SLC1A7: variants seen among roughly 807,000 people sequenced by gnomAD.
SLC1A7 encodes solute carrier family 1 member 7.
SLC1A7 carries 40 observed loss-of-function variants against 47.7 expected under a neutral mutation model. The observed-to-expected ratio is 0.84, with a 90% confidence interval of 0.65 to 1.09. The LOEUF is 1.09. Among genes scored for constraint, SLC1A7 ranks in the 50% least tolerant of loss-of-function variants. The pLI, the probability that SLC1A7 is intolerant of heterozygous loss-of-function variation, is 0.00. For synonymous variants in SLC1A7, 323 were observed against 325.6 expected (o/e 0.99, Z 0.09); for missense variants, 746 against 769.5 (o/e 0.97, Z 0.36).
rs1645008233 is a variant in SLC1A7 at position 53,137,056 on chromosome 1, G to A, written c.136-2627C>T. ...AATCCCAGCACTTTGGGAGGCCAAG[G>A]TAGGTGGATCACTTGAGGTTAAGAG... On this transcript the variant is annotated intron_variant, in intron 1 of 10. Coordinates refer to ENST00000371494, the MANE Select transcript of SLC1A7 (RefSeq NM_006671.6). Among the ~76,000 whole-genome samples the A allele has an allele frequency of 2.6e-5, 4 of 152,224 alleles. No homozygotes were observed. In the South Asian group the frequency reaches 6.2e-4, roughly 24 times the overall value.
chr1:53,135,001 G>A (rs1418805480), intron 1 of SLC1A7, among the ~76,000 whole-genome samples: 2 of 151,922 alleles, frequency 1.3e-5, no homozygotes, highest in South Asian at 2.1e-4. Flanking sequence ...CACAGAAAGC[G>A]AAATGGCGGA....
chr1:53,095,950 A>G (rs1644483507), intron 5 of SLC1A7, among the ~76,000 whole-genome samples: 1 of 146,298 alleles, frequency 6.8e-6, no homozygotes, highest in Admixed American at 6.8e-5. Context: ...TGGTACAGTC[A>G]CACCACCTCG....
At chr1:53,090,007 A>C in intron 8 of SLC1A7, 73 bp from the exon 9 acceptor site, 1 of 1,561,044 alleles carries the variant, frequency 6.4e-7, no homozygotes, top group Non-Finnish European at 8.8e-7. Context: ...GCTCCAAGGA[A>C]GAGGTTGAGT....
chr1:53,115,249 A>T, intron 2 of SLC1A7: 1 of 546,020 alleles, frequency 1.8e-6, no homozygotes, highest in Non-Finnish European at 3.3e-6. Context: ...GATGGTGGGG[A>T]CACTGTTGGG....
At chr1:53,124,780 C>T (rs968105061) in intron 2 of SLC1A7, among the ~76,000 whole-genome samples, 6 of 152,190 alleles carry the variant, frequency 3.9e-5, no homozygotes, top group African/African-American at 1.4e-4. Context: ...CGAGGCAGGG[C>T]AGCTCCCTCA....
intron 4 of SLC1A7, among the ~76,000 whole-genome samples, chr1:53,105,388 TCA>T (rs1644628051): frequency 6.6e-6 from 1 of 152,192 alleles, no homozygotes; most frequent in African/African-American, 2.4e-5. Context: ...CCTCGGAGCC[TCA>T]GTTTCCTCTT....
intron 9 of SLC1A7, among the ~76,000 whole-genome samples, chr1:53,089,256 TTTTG>T (rs145192147): frequency 8.8e-5 from 13 of 147,236 alleles, no homozygotes; most frequent in South Asian, 2.2e-4. Flanking sequence ...TAGGTTTGTT[TTTTG>T]TTTGTTTGTT....
intron 5 of SLC1A7, among the ~76,000 whole-genome samples, chr1:53,096,208 G>A (rs992787506): frequency 8.9e-5 from 12 of 134,308 alleles, no homozygotes; most frequent in South Asian, 2.5e-4. Context: ...ACTTTCACGC[G>A]CCTAGCCTCG....
intron 5 of SLC1A7, 134 bp from the exon 6 acceptor site, chr1:53,093,694 T>A: frequency 1.6e-6 from 1 of 633,536 alleles, no homozygotes; most frequent in Non-Finnish European, 2.8e-6. Context: ...TCTCTCTCCC[T>A]CTCTCCTCCT....
chr1:53,121,710 G>C (rs1005288964), intron 2 of SLC1A7, among the ~76,000 whole-genome samples: 5 of 152,226 alleles, frequency 3.3e-5, no homozygotes, highest in Admixed American at 3.3e-4. Context: ...GGCCGCACTT[G>C]GCTTCCACAG....
At chr1:53,129,145 C>T (rs1644913000) in intron 2 of SLC1A7, among the ~76,000 whole-genome samples, 1 of 134,454 alleles carries the variant, frequency 7.4e-6, no homozygotes, top group African/African-American at 2.8e-5. Flanking sequence ...TGCCACTGCA[C>T]TCCAGCCTGG....
chr1:53,088,314 G>A (rs560750787), intron 10 of SLC1A7, 87 bp from the exon 11 acceptor site: 555 of 1,123,550 alleles, frequency 4.9e-4, no homozygotes, highest in Non-Finnish European at 6.7e-4. Flanking sequence ...GGCAGAATGA[G>A]CTCAGGGCTA....
At position 53,123,372 on chromosome 1, in the gene SLC1A7, C is replaced by T. The variant is rs113863049; in HGVS notation, c.216-8399G>A. Among the ~76,000 whole-genome samples, 965 of 152,332 alleles carry T rather than the reference C, an allele frequency of 6.3e-3. 14 individuals are homozygous for T. The highest frequency in any genetic ancestry group is 0.021 in the African/African-American group (859 of 41,576). On this transcript the variant is annotated intron_variant, in intron 2 of 10. Transcript: ENST00000371494. ...TCCTGTGGGCCTCTCTCCAGTGCAG[C>T]GGTTCTCCACAGAGAAGGGCGGCAG... is the stretch of plus-strand genomic sequence containing the variant.
chr1:53,091,080 G>T, intron 7 of SLC1A7: 1 of 929,470 alleles, frequency 1.1e-6, no homozygotes, highest in Non-Finnish European at 1.6e-6. Flanking sequence ...GAGGGATATG[G>T]AGGTCTGAGC....
chr1:53,136,555 AAACAT>A (rs1339705387), intron 1 of SLC1A7, among the ~76,000 whole-genome samples: 3 of 42,168 alleles, frequency 7.1e-5, no homozygotes, highest in Non-Finnish European at 1.0e-4. Context: ...TAATATATAT[AAACAT>A]ATATATAAAC....
intron 2 of SLC1A7, among the ~76,000 whole-genome samples, chr1:53,121,047 T>C (rs1212056736): frequency 6.6e-6 from 1 of 152,240 alleles, no homozygotes; most frequent in Non-Finnish European, 1.5e-5. Context: ...GAGTGGTACA[T>C]GGCATGTGAT....
At chr1:53,121,506 TC>T (rs1396176248) in intron 2 of SLC1A7, among the ~76,000 whole-genome samples, 5 of 152,238 alleles carry the variant, frequency 3.3e-5, no homozygotes, top group Admixed American at 2.0e-4. Context: ...GCTTCAGGAC[TC>T]TGCTTTCGGC....
At chr1:53,090,901 G>A (rs760244876) in intron 7 of SLC1A7, 95 bp from the exon 8 acceptor site, 77 of 1,548,836 alleles carry the variant, frequency 5.0e-5, no homozygotes, top group Non-Finnish European at 2.8e-5. Context: ...CAGCCACCCC[G>A]CCAGGAGTGT....
At chr1:53,103,161 A>C in intron 5 of SLC1A7, 185 bp downstream of exon 5, 1 of 529,330 alleles carries the variant, frequency 1.9e-6, no homozygotes. Flanking sequence ...GCCAGGGGGA[A>C]GCCCCTGGGG....
Sources: allele counts gnomAD v4.1 joint callset (sites outside exome capture counted in the v4.1 genomes callset), GRCh38; gene constraint gnomAD v4.1.1; transcripts MANE v1.5; gene names NCBI Gene and HGNC (gene_info 2026-07-23, HGNC 2026-07-21).